Variants in DPYD observed in about 807,000 individuals in gnomAD.
DPYD encodes the protein dihydropyrimidine dehydrogenase [NADP(+)].
In DPYD, 109 loss-of-function variants were observed where a neutral mutation model predicts 116.2. The ratio of observed to expected loss-of-function variants is 0.94; its 90% CI spans 0.80 to 1.10. DPYD has a LOEUF of 1.10. DPYD is among the 50% of genes least tolerant of loss of function. The probability of loss-of-function intolerance (pLI) is 0.00; values close to 1 mark genes in which losing one functional copy is unlikely to be tolerated. For missense variants in DPYD, 1,302 were observed against 1,254.5 expected (o/e 1.04, Z -0.57); for synonymous variants, 440 against 432.0 (o/e 1.02, Z -0.23).
At chr1:97,487,964 G>A (rs1264040592) in intron 13 of DPYD, among the ~76,000 whole-genome samples, 1 of 152,010 alleles carries the variant, frequency 6.6e-6, no homozygotes, top group Non-Finnish European at 1.5e-5. Flanking sequence ...CAAACAAAAG[G>A]AGTACACAAA....
At chr1:97,403,813 T>A (rs1473008238) in intron 14 of DPYD, among the ~76,000 whole-genome samples, 1 of 152,016 alleles carries the variant, frequency 6.6e-6, no homozygotes, top group East Asian at 1.9e-4. Flanking sequence ...TAATTCTTAT[T>A]ATTCATTTTG....
intron 12 of DPYD, among the ~76,000 whole-genome samples, chr1:97,531,296 T>C (rs1649609816): frequency 1.3e-5 from 2 of 152,194 alleles, no homozygotes; most frequent in South Asian, 4.1e-4. Context: ...TTTTTGTCTG[T>C]GGTGAAAGAA....
intron 13 of DPYD, among the ~76,000 whole-genome samples, chr1:97,475,319 A>G (rs1428738517): frequency 6.6e-6 from 1 of 152,210 alleles, no homozygotes. Flanking sequence ...ACATATAGAT[A>G]AAACAGAAGA....
intron 5 of DPYD, among the ~76,000 whole-genome samples, chr1:97,705,507 C>A (rs1475927570): frequency 1.3e-5 from 2 of 151,964 alleles, no homozygotes; most frequent in African/African-American, 2.4e-5. Flanking sequence ...TGTATATGTG[C>A]CACATTTTCT....
intron 16 of DPYD, among the ~76,000 whole-genome samples, chr1:97,336,106 T>G (rs563945773): frequency 6.6e-6 from 1 of 152,156 alleles, no homozygotes; most frequent in Non-Finnish European, 1.5e-5. Flanking sequence ...AAAGCAACAA[T>G]GTGACAGTGT....
intron 8 of DPYD, among the ~76,000 whole-genome samples, chr1:97,603,020 C>T (rs1655360823): frequency 1.3e-5 from 2 of 151,898 alleles, no homozygotes; most frequent in Admixed American, 1.3e-4. Context: ...TGAGCCTTTT[C>T]TCTTCTCCTT....
chr1:97,810,376 A>G (rs548389850), intron 3 of DPYD, among the ~76,000 whole-genome samples: 39 of 152,192 alleles, frequency 2.6e-4, no homozygotes, highest in Admixed American at 9.2e-4. Context: ...AAGAGAAAAC[A>G]GCATCATGTG....
chr1:97,159,395 A>T (rs1406275308), intron 20 of DPYD, among the ~76,000 whole-genome samples: 1 of 152,034 alleles, frequency 6.6e-6, no homozygotes, highest in Admixed American at 6.6e-5. Flanking sequence ...AAAACAGAGA[A>T]ACTATTAAAA....
At position 97,373,626 on chromosome 1, in the gene DPYD, G is replaced by C; in HGVS notation, c.1993C>G (p.Leu665Val). 1 of 1,613,776 alleles carries C rather than the reference G, an allele frequency of 6.2e-7. No individual in the cohort carries two copies. Among genetic ancestry groups the C allele is most frequent in the Non-Finnish European group, 8.5e-7 (1 of 1,179,792 alleles). ...TGTGGACATGATAAATTTAACTCCA[G>C]GGCATCTGCTCCAGAATCCTTTAAA... ...KKSEDSGADA[L>V]ELNLSCPHGM... Residue 665 changes from leucine (L) to valine (V), a missense_variant, in exon 16 of 23, where the codon CTG becomes GTG. Leu to Val is a conservative substitution (Grantham distance 32). Transcript: ENST00000370192.
chr1:97,833,729 G>C (rs1669637277), intron 2 of DPYD, among the ~76,000 whole-genome samples: 2 of 152,024 alleles, frequency 1.3e-5, no homozygotes, highest in Admixed American at 1.3e-4. Flanking sequence ...CAGAAGAAGA[G>C]TATCCATGAA....
At chr1:97,680,285 C>T (rs547895352) in intron 7 of DPYD, among the ~76,000 whole-genome samples, 1 of 152,226 alleles carries the variant, frequency 6.6e-6, no homozygotes, top group African/African-American at 2.4e-5. Context: ...AGATAATATC[C>T]TATCCTGGGT....
intron 8 of DPYD, among the ~76,000 whole-genome samples, chr1:97,664,344 A>G (rs748960143): frequency 2.8e-4 from 43 of 152,020 alleles, no homozygotes; most frequent in South Asian, 6.2e-4. Context: ...GTGTGTGTAT[A>G]TATATATAGC....
chr1:97,367,939 C>A (rs1042185822), intron 16 of DPYD, among the ~76,000 whole-genome samples: 2 of 152,046 alleles, frequency 1.3e-5, no homozygotes, highest in African/African-American at 2.4e-5. Context: ...TATCTTTAAA[C>A]CCTTTCACAT....
At chr1:97,147,759 T>C (rs1000757265) in intron 20 of DPYD, among the ~76,000 whole-genome samples, 14 of 152,172 alleles carry the variant, frequency 9.2e-5, no homozygotes, top group Non-Finnish European at 2.1e-4. Context: ...GTCCATCTTA[T>C]TTTCATGTTA....
chr1:97,415,377 G>A (rs910470265), intron 14 of DPYD, among the ~76,000 whole-genome samples: 2 of 152,142 alleles, frequency 1.3e-5, no homozygotes, highest in Non-Finnish European at 2.9e-5. Context: ...ACCCAGGCTG[G>A]AGTGCAGTGG....
At chr1:97,570,196 A>T (rs145860559) in intron 11 of DPYD, among the ~76,000 whole-genome samples, 1 of 152,012 alleles carries the variant, frequency 6.6e-6, no homozygotes, top group Non-Finnish European at 1.5e-5. Flanking sequence ...TTAAAAATGT[A>T]ATCTCCTTTC....
At chr1:97,570,491 T>A (rs1652818819) in intron 11 of DPYD, among the ~76,000 whole-genome samples, 1 of 151,984 alleles carries the variant, frequency 6.6e-6, no homozygotes, top group South Asian at 2.1e-4. Flanking sequence ...TATAGGTGGA[T>A]ACACAGAATG....
At chr1:97,288,186 C>T (rs1459881612) in intron 18 of DPYD, among the ~76,000 whole-genome samples, 3 of 150,992 alleles carry the variant, frequency 2.0e-5, no homozygotes, top group African/African-American at 7.3e-5. Flanking sequence ...ATTCATAAAG[C>T]AAGTCCTGAG....
chr1:97,385,703 G>A (rs900419467), intron 14 of DPYD, among the ~76,000 whole-genome samples: 5 of 151,988 alleles, frequency 3.3e-5, no homozygotes, highest in African/African-American at 1.2e-4. Context: ...TTCCACAGAG[G>A]ACAAGAAAAA....
Sources: gnomAD v4.1 joint callset for allele counts (sites outside exome capture counted in the v4.1 genomes callset) on GRCh38, gnomAD v4.1.1 for gene constraint, MANE v1.5 for transcripts, NCBI Gene and HGNC (gene_info 2026-07-23, HGNC 2026-07-21) for gene names.